The following FAT4 variants were observed in gnomAD, a reference collection of about 807,000 sequenced individuals.
FAT4 encodes FAT atypical cadherin 4, also known as protocadherin Fat 4.
Under a neutral mutation model 303.9 loss-of-function variants are expected in FAT4, and 84 were observed. That is an observed-to-expected ratio of 0.28 (90% CI 0.23 to 0.33). FAT4 has a LOEUF of 0.33. Ranked by LOEUF, FAT4 falls within the 10% of genes least tolerant of loss-of-function variation. The pLI is 1.00. For synonymous variants in FAT4, 2,307 were observed against 2,298.8 expected (o/e 1.00, Z -0.10); for missense variants, 6,005 against 6,146.8 (o/e 0.98, Z 0.77).
At chr4:125,363,960 C>A (rs1173030754) in intron 2 of FAT4, among the ~76,000 whole-genome samples, 1 of 152,048 alleles carries the variant, frequency 6.6e-6, no homozygotes, top group Non-Finnish European at 1.5e-5. Context: ...TTAATGCTGG[C>A]CATTAATTTA....
chr4:125,455,126 C>T (rs1468355860), intron 10 of FAT4, among the ~76,000 whole-genome samples: 1 of 152,100 alleles, frequency 6.6e-6, no homozygotes, highest in Non-Finnish European at 1.5e-5. Flanking sequence ...GCTGGGAATT[C>T]AACAATAAGA....
At position 125,449,687 on chromosome 4, in the gene FAT4, G is replaced by A; in HGVS notation, c.8677G>A (p.Val2893Ile). The A allele has an allele frequency of 6.2e-7, 1 of 1,613,928 alleles. No individual in the cohort carries two copies. Among genetic ancestry groups the A allele is most frequent in the Middle Eastern group, 1.6e-4 (1 of 6,062 alleles). Residue 2893 changes from valine to isoleucine, a missense_variant, in exon 10 of 18, where the codon GTA becomes ATA. Physicochemically the swap from Val to Ile is conservative, Grantham distance 29 (BLOSUM62 3). Coordinates refer to ENST00000394329, the MANE Select transcript of FAT4 (RefSeq NM_001291303.3). ...TGAACTTACTGAGATTGGCTCCAAA[G>A]TAACTCAGGTATTTGCAACAGATCC... ...CPELTEIGSK[V>I]TQVFATDPDE...
At position 125,450,876 on chromosome 4, in the gene FAT4, A is replaced by G; in HGVS notation, c.9866A>G (p.Gln3289Arg). The G allele has an allele frequency of 1.2e-6, 2 of 1,614,134 alleles. No homozygotes were observed. The highest frequency in any genetic ancestry group is 4.5e-5 in the East Asian group (2 of 44,858). ...TGTAGCTTTGCCACTGTTAATATAC[A>G]ATTAAAAGGGACAAATGAATATGTG... ...ERCSFATVNI[Q>R]LKGTNEYVPR... The change falls in exon 10 of 18, where the codon CAA becomes CGA. Residue 3289 changes from glutamine to arginine, a missense_variant. Gln to Arg is a conservative substitution (Grantham distance 43, BLOSUM62 1). Coordinates refer to ENST00000394329, the MANE Select transcript of FAT4 (RefSeq NM_001291303.3).
chr4:125,421,040 C>T (rs1560812388), intron 7 of FAT4, among the ~76,000 whole-genome samples: 1 of 152,174 alleles, frequency 6.6e-6, no homozygotes, highest in Non-Finnish European at 1.5e-5. Context: ...AAACAATTCT[C>T]CTGCCTCAGC....
chr4:125,392,765 G>A (rs565838811), intron 2 of FAT4, among the ~76,000 whole-genome samples: 2 of 152,190 alleles, frequency 1.3e-5, no homozygotes, highest in Admixed American at 1.3e-4. Context: ...ATTTTCATCA[G>A]AAATTATTTT....
intron 2 of FAT4, among the ~76,000 whole-genome samples, chr4:125,338,063 T>C (rs948758039): frequency 6.6e-6 from 1 of 152,172 alleles, no homozygotes; most frequent in Non-Finnish European, 1.5e-5. Flanking sequence ...CAGACAAGAT[T>C]GCCAGGATAT....
At chr4:125,327,738 A>G (rs1246407746) in intron 2 of FAT4, among the ~76,000 whole-genome samples, 1 of 152,138 alleles carries the variant, frequency 6.6e-6, no homozygotes, top group Non-Finnish European at 1.5e-5. Context: ...CTTTATTAAA[A>G]CCCTAATGAT....
At chr4:125,366,882 G>A (rs1230505019) in intron 2 of FAT4, among the ~76,000 whole-genome samples, 1 of 151,774 alleles carries the variant, frequency 6.6e-6, no homozygotes, top group Non-Finnish European at 1.5e-5. Flanking sequence ...ATGCTTGTTG[G>A]CCATATGTAT....
intron 2 of FAT4, among the ~76,000 whole-genome samples, chr4:125,322,855 G>T (rs1731010223): frequency 6.6e-6 from 1 of 151,678 alleles, no homozygotes; most frequent in Admixed American, 6.6e-5. Flanking sequence ...ATTCTAAGGG[G>T]AATTCAATTT....
chr4:125,415,338 G>A lies in FAT4; in HGVS notation c.6375G>A (p.Val2125=). Residue 2125 remains valine (V), a synonymous_variant, in exon 6 of 18, where the codon GTG becomes GTA. Transcript: ENST00000394329. ...TTTCTAATTATACTCTAACAGTGGT[G>A]GCTACAGACAAAGGTCAACCATCTC... ...EEVSNYTLTV[V]ATDKGQPSLS... is the part of the protein sequence containing the mutation. The A allele has an allele frequency of 6.2e-7, 1 of 1,613,960 alleles. No homozygotes were observed. The highest frequency in any genetic ancestry group is 1.3e-5 in the African/African-American group (1 of 75,014).
At chr4:125,354,167 A>G (rs186077794) in intron 2 of FAT4, among the ~76,000 whole-genome samples, 9 of 151,880 alleles carry the variant, frequency 5.9e-5, no homozygotes, top group Admixed American at 6.6e-5. Context: ...AGATTATTTT[A>G]TAAGATTTTA....
intron 2 of FAT4, among the ~76,000 whole-genome samples, chr4:125,340,336 C>A (rs1162461148): frequency 6.6e-6 from 1 of 152,218 alleles, no homozygotes; most frequent in Non-Finnish European, 1.5e-5. Flanking sequence ...TAACAAGTCC[C>A]TCAAGGGATT....
At chr4:125,406,828 G>C in intron 3 of FAT4, 52 bp from the exon 4 acceptor site, 1 of 1,575,510 alleles carries the variant, frequency 6.3e-7, no homozygotes, top group South Asian at 1.2e-5. Context: ...AAAATATAAG[G>C]AGCAATGCTT....
intron 2 of FAT4, among the ~76,000 whole-genome samples, chr4:125,324,236 G>T (rs1454104589): frequency 6.6e-6 from 1 of 152,060 alleles, no homozygotes; most frequent in African/African-American, 2.4e-5. Flanking sequence ...ATTTTTCTAG[G>T]TTCACCAAAA....
intron 16 of FAT4, 83 bp from the exon 17 acceptor site, chr4:125,487,262 A>C: frequency 1.5e-6 from 2 of 1,374,326 alleles, no homozygotes; most frequent in East Asian, 2.5e-5. Flanking sequence ...GGACTGGTCA[A>C]AAATTTAAGT....
chr4:125,373,785 A>G (rs1043827956), intron 2 of FAT4, among the ~76,000 whole-genome samples: 9 of 152,180 alleles, frequency 5.9e-5, no homozygotes, highest in African/African-American at 2.2e-4. Flanking sequence ...GGTGAACATG[A>G]AAAAGCCAAA....
Position 125,452,714 on chromosome 4 carries a change from G to T in FAT4, c.11704G>T (p.Asp3902Tyr). The T allele has an allele frequency of 6.2e-7, 1 of 1,614,146 alleles. No homozygotes were observed. Among genetic ancestry groups the T allele is most frequent in the African/African-American group, 1.3e-5 (1 of 75,036 alleles). Reference protein sequence around the residue: ...DGFTGRACERDINECLQSPCK... With the variant: ...DGFTGRACERYINECLQSPCK... ...CTTCACTGGTAGGGCGTGTGAGAGA[G>T]ATATCAATGAGTGCCTGCAGAGTCC... The change falls in exon 10 of 18, where the codon GAT becomes TAT. Residue 3902 changes from aspartate to tyrosine, a missense_variant. Physicochemically the swap from Asp to Tyr is radical, Grantham distance 160. Coordinates refer to ENST00000394329, the MANE Select transcript of FAT4 (RefSeq NM_001291303.3).
intron 2 of FAT4, among the ~76,000 whole-genome samples, chr4:125,336,488 T>C (rs1360233781): frequency 6.6e-6 from 1 of 151,968 alleles, no homozygotes; most frequent in African/African-American, 2.4e-5. Flanking sequence ...TGTTAAAAGA[T>C]AGGGTAAGTG....
chr4:125,319,032 C>A lies in FAT4; in HGVS notation c.2621C>A (p.Thr874Asn), dbSNP rs759423929. The change falls in exon 2 of 18, where the codon ACT (threonine) becomes AAT (asparagine). Residue 874 changes from threonine (T) to asparagine (N), a missense_variant. Thr to Asn is a moderately conservative substitution (Grantham distance 65, BLOSUM62 0). Coordinates refer to ENST00000394329, the MANE Select transcript of FAT4 (RefSeq NM_001291303.3). ...GTAGTGGCCAGTGGGGGCACAGTGA[C>A]TGGAGACACTATGGTTAACATAACA... ...LKVVASGGTVTGDTMVNITVK... is the reference protein window; with the variant it reads ...LKVVASGGTVNGDTMVNITVK... 1 of 1,614,174 alleles carries A rather than the reference C, an allele frequency of 6.2e-7. No individual in the cohort carries two copies. The highest frequency in any genetic ancestry group is 1.7e-5 in the Admixed American group (1 of 60,032).
Sources: allele counts gnomAD v4.1 joint callset (sites outside exome capture counted in the v4.1 genomes callset), GRCh38; gene constraint gnomAD v4.1.1; transcripts MANE v1.5; gene names NCBI Gene and HGNC (gene_info 2026-07-23, HGNC 2026-07-21).